The following OLFML1 variants were observed in gnomAD, a reference collection of about 807,000 sequenced individuals.
The protein encoded by OLFML1 is olfactomedin-like protein 1.
Under a neutral mutation model 37.3 loss-of-function variants are expected in OLFML1, and 33 were observed. The ratio of observed to expected loss-of-function variants is 0.88; its 90% CI spans 0.67 to 1.18. The LOEUF is 1.18. Ranked by LOEUF, OLFML1 falls within the 50% of genes most tolerant of loss-of-function variation. The pLI is 0.00. For missense variants in OLFML1, 545 were observed against 483.7 expected, an observed-to-expected ratio of 1.13 and a Z score of -1.19; for synonymous variants, 186 against 181.3, an observed-to-expected ratio of 1.03 and a Z score of -0.21.
rs368217151 is a variant in OLFML1, at chr11:7,485,916, T to G, written c.41T>G (p.Leu14Arg). 216 of 1,613,906 alleles carry G rather than the reference T, an allele frequency of 1.3e-4. No individual in the cohort carries two copies. Among genetic ancestry groups the G allele is most frequent in the Non-Finnish European group, 1.8e-4 (213 of 1,179,968 alleles). Reference sequence around the variant, plus strand: ...CGAGGAGCTTCTGCATTGCTGGTTCTGTTCCTTGCAGCTTTTCTGCCCCCG... The same window carrying G: ...CGAGGAGCTTCTGCATTGCTGGTTCGGTTCCTTGCAGCTTTTCTGCCCCCG... ...ALRGASALLV[L>R]FLAAFLPPPQ... The change falls in exon 1 of 3, where the codon CTG (leucine) becomes CGG (arginine). Residue 14 changes from leucine to arginine, a missense_variant. By Grantham distance (102) the Leu-to-Arg change is moderately radical. Transcript: ENST00000329293.
chr11:7,511,334 T>C lies in OLFML1; in HGVS notation c.*1146T>C, dbSNP rs892102470. ...TTCAATAAAAGTGACACTGAGCAAA[T>C]AACCTCATCAGGTTATATTTGCCCA... On this transcript the variant is annotated 3_prime_UTR_variant, in exon 3 of 3. Coordinates refer to ENST00000329293, the MANE Select transcript of OLFML1 (RefSeq NM_198474.4). The C allele has an allele frequency of 2.0e-5, 3 of 152,228 alleles. No individual in the cohort carries two copies. Among genetic ancestry groups the C allele is most frequent in the Non-Finnish European group, 4.4e-5 (3 of 68,040 alleles). 9.4% of individuals were successfully genotyped at this position (152,228 alleles called of 1,614,324 possible).
Position 7,485,863 on chromosome 11 carries a change from G to A in OLFML1, c.-13G>A. ...CACAGCATAAGAGACTGCCCTGCTT[G>A]GTGTTTTGCAGGATGATGGTGGCCC... On this transcript the variant is annotated 5_prime_UTR_variant, in exon 1 of 3. Coordinates refer to ENST00000329293, the MANE Select transcript of OLFML1 (RefSeq NM_198474.4). 6.2e-7 allele frequency: 1 copy of A among 1,612,226 alleles called. No homozygotes were observed. The highest frequency in any genetic ancestry group is 1.1e-5 in the South Asian group (1 of 90,906).
intron 2 of OLFML1, among the ~76,000 whole-genome samples, chr11:7,490,740 T>A (rs1848585349): frequency 6.6e-6 from 1 of 152,186 alleles, no homozygotes; most frequent in African/African-American, 2.4e-5. Flanking sequence ...AATCAGCCAA[T>A]ACTTGTTGCC....
At chr11:7,496,111 G>A (rs1400673438) in intron 2 of OLFML1, among the ~76,000 whole-genome samples, 1 of 152,226 alleles carries the variant, frequency 6.6e-6, no homozygotes, top group Non-Finnish European at 1.5e-5. Context: ...CGTTGCCTAG[G>A]AACAGCTGGG....
At chr11:7,490,367 G>T (rs929812686) in intron 2 of OLFML1, among the ~76,000 whole-genome samples, 1 of 152,130 alleles carries the variant, frequency 6.6e-6, no homozygotes, top group Non-Finnish European at 1.5e-5. Flanking sequence ...TGATGGAGAG[G>T]ACTGGGTGCT....
intron 2 of OLFML1, among the ~76,000 whole-genome samples, chr11:7,494,120 G>T (rs1848634253): frequency 1.3e-5 from 2 of 152,202 alleles, no homozygotes. Context: ...CTAATTAAGT[G>T]GAGAATAAAG....
At chr11:7,490,877 C>A (rs1013364670) in intron 2 of OLFML1, among the ~76,000 whole-genome samples, 2 of 152,200 alleles carry the variant, frequency 1.3e-5, no homozygotes, top group Admixed American at 1.3e-4. Context: ...GTCATGCAGA[C>A]CTTCCACAAC....
chr11:7,486,558 A>T (rs1848525805), intron 1 of OLFML1, among the ~76,000 whole-genome samples: 1 of 152,210 alleles, frequency 6.6e-6, no homozygotes, highest in African/African-American at 2.4e-5. Context: ...CTTAGAAGTG[A>T]GCAGATTTCA....
intron 1 of OLFML1, among the ~76,000 whole-genome samples, chr11:7,487,448 T>C (rs571268086): frequency 6.6e-6 from 1 of 152,350 alleles, no homozygotes; most frequent in African/African-American, 2.4e-5. Flanking sequence ...GATAGAATTT[T>C]GATAAACCAT....
At chr11:7,487,464 A>G (rs527579549) in intron 1 of OLFML1, among the ~76,000 whole-genome samples, 1 of 152,364 alleles carries the variant, frequency 6.6e-6, no homozygotes, top group African/African-American at 2.4e-5. Context: ...ACCATGCCAA[A>G]TGAGCTTTAA....
chr11:7,499,250 G>A (rs1050806289), intron 2 of OLFML1, among the ~76,000 whole-genome samples: 3 of 152,218 alleles, frequency 2.0e-5, no homozygotes, highest in African/African-American at 4.8e-5. Context: ...GCCTGAGGGG[G>A]AAACCCAGAT....
chr11:7,508,386 A>C (rs1434125890), intron 2 of OLFML1, among the ~76,000 whole-genome samples: 1 of 152,350 alleles, frequency 6.6e-6, no homozygotes, highest in South Asian at 2.1e-4. Flanking sequence ...CTAATCTTAG[A>C]GTACTTTCCT....
At chr11:7,494,923 A>T (rs185602729) in intron 2 of OLFML1, among the ~76,000 whole-genome samples, 8 of 151,468 alleles carry the variant, frequency 5.3e-5, no homozygotes, top group Admixed American at 3.9e-4. Flanking sequence ...TCTGGCCAAG[A>T]AGGTCCAATT....
intron 2 of OLFML1, among the ~76,000 whole-genome samples, chr11:7,500,530 CT>C (rs1848708379): frequency 6.6e-6 from 1 of 152,160 alleles, no homozygotes; most frequent in African/African-American, 2.4e-5. Context: ...CATCCCCACG[CT>C]TTATGGCTGT....
rs1256024851 is a variant in OLFML1 at position 7,488,240 on chromosome 11, C to G, written c.243C>G (p.Tyr81Ter). Reference sequence around the variant, plus strand: ...GATGTCAGACCTACACAAGTGAGTACAAGAGTGCAGTGGGTAACTTGGCAC... The same window carrying G: ...GATGTCAGACCTACACAAGTGAGTAGAAGAGTGCAGTGGGTAACTTGGCAC... ...LGRCQTYTSE[Y>*]KSAVGNLALR... The change falls in exon 2 of 3, where the codon TAC becomes TAG. Residue 81 changes from tyrosine (Y) to a stop codon, truncating the protein, a stop_gained. Coordinates refer to ENST00000329293, the MANE Select transcript of OLFML1 (RefSeq NM_198474.4). LOFTEE classifies it high-confidence loss of function. 1 of 1,613,938 alleles carries G rather than the reference C, an allele frequency of 6.2e-7. No individual in the cohort carries two copies. Among genetic ancestry groups the G allele is most frequent in the Middle Eastern group, 1.7e-4 (1 of 6,060 alleles).
rs1848826738 is a variant in OLFML1 at position 7,509,480 on chromosome 11, T to C, written c.501T>C (p.Asp167=). ...MMDTHGSWMK[D]AVYNSPKVYL... is the part of the protein sequence containing the mutation. ...ACACACATGGCTCTTGGATGAAAGATGCTGTCTATAACTCTCCAAAGGTGT... is the reference window on the plus strand; with the variant it reads ...ACACACATGGCTCTTGGATGAAAGACGCTGTCTATAACTCTCCAAAGGTGT... Residue 167 remains aspartate, a synonymous_variant, in exon 3 of 3, where the codon GAT becomes GAC. Transcript: ENST00000329293. 1.9e-6 allele frequency: 3 copies of C among 1,614,034 alleles called. No individual in the cohort carries two copies. The highest frequency in any genetic ancestry group is 2.2e-5 in the East Asian group (1 of 44,880).
intron 2 of OLFML1, among the ~76,000 whole-genome samples, chr11:7,508,913 A>C (rs547786152): frequency 6.6e-6 from 1 of 152,366 alleles, no homozygotes. Flanking sequence ...TGTCAATCCC[A>C]AGTGCTCTAG....
At chr11:7,497,065 A>T (rs140876711) in intron 2 of OLFML1, among the ~76,000 whole-genome samples, 8 of 152,262 alleles carry the variant, frequency 5.3e-5, no homozygotes, top group African/African-American at 1.9e-4. Flanking sequence ...GCCCATTTTC[A>T]TGCTTTACGT....
intron 2 of OLFML1, among the ~76,000 whole-genome samples, chr11:7,507,100 G>A (rs149911640): frequency 0.013 from 1,946 of 152,264 alleles, 13 homozygotes; most frequent in Middle Eastern, 0.041. Flanking sequence ...AGACTGGGAG[G>A]AGTTGACAGC....
Sources: gnomAD v4.1 joint callset for allele counts (sites outside exome capture counted in the v4.1 genomes callset) on GRCh38, gnomAD v4.1.1 for gene constraint, MANE v1.5 for transcripts, NCBI Gene and HGNC (gene_info 2026-07-23, HGNC 2026-07-21) for gene names.